The following CLYBL variants were observed in gnomAD, a reference collection of about 807,000 sequenced individuals.
CLYBL encodes the protein citramalyl-CoA lyase, mitochondrial.
CLYBL carries 31 observed loss-of-function variants against 38.9 expected under a neutral mutation model. That is an observed-to-expected ratio of 0.80 (90% CI 0.60 to 1.08). The LOEUF is 1.08. Ranked by LOEUF, CLYBL falls within the 50% of genes least tolerant of loss-of-function variation. CLYBL has a pLI of 0.00. For synonymous variants in CLYBL, 171 were observed against 158.6 expected (o/e 1.08, Z -0.59); for missense variants, 434 against 411.6 (o/e 1.05, Z -0.47).
intron 4 of CLYBL, among the ~76,000 whole-genome samples, chr13:99,864,270 C>T (rs1429886099): frequency 1.3e-5 from 2 of 152,116 alleles, no homozygotes; most frequent in Non-Finnish European, 2.9e-5. Context: ...ATGTCTACGA[C>T]GAATGGTATT....
chr13:99,820,064 G>A (rs1251279574), intron 2 of CLYBL, among the ~76,000 whole-genome samples: 2 of 152,222 alleles, frequency 1.3e-5, no homozygotes, highest in Non-Finnish European at 2.9e-5. Context: ...TCACCCAGGT[G>A]ATTTTCCCCA....
At chr13:99,738,639 G>A (rs1280160162) in intron 1 of CLYBL, among the ~76,000 whole-genome samples, 1 of 152,116 alleles carries the variant, frequency 6.6e-6, no homozygotes, top group East Asian at 1.9e-4. Flanking sequence ...GAGATTCAAG[G>A]GGACTTGCCA....
chr13:99,861,667 G>T (rs1281460802), intron 3 of CLYBL, among the ~76,000 whole-genome samples: 3 of 152,142 alleles, frequency 2.0e-5, no homozygotes, highest in Admixed American at 2.0e-4. Flanking sequence ...TTGAAGGGGG[G>T]GCAGTGGGAG....
chr13:99,837,934 G>A (rs1326100207), intron 2 of CLYBL, among the ~76,000 whole-genome samples: 2 of 152,160 alleles, frequency 1.3e-5, no homozygotes, highest in Non-Finnish European at 2.9e-5. Flanking sequence ...AAACATTTTT[G>A]TAAATTACAA....
intron 1 of CLYBL, among the ~76,000 whole-genome samples, chr13:99,662,074 A>G (rs1197003721): frequency 6.6e-6 from 1 of 152,178 alleles, no homozygotes; most frequent in Non-Finnish European, 1.5e-5. Flanking sequence ...AATGACCCCA[A>G]ATTGGAAGAA....
intron 1 of CLYBL, among the ~76,000 whole-genome samples, chr13:99,744,354 T>C (rs1404162642): frequency 6.6e-6 from 1 of 152,182 alleles, no homozygotes; most frequent in African/African-American, 2.4e-5. Flanking sequence ...GAATAGTTAC[T>C]CATCACACCT....
At chr13:99,899,852 A>C (rs2052621624), downstream of CLYBL, among the ~76,000 whole-genome samples, 1 of 152,186 alleles carries the variant, frequency 6.6e-6, no homozygotes, top group Admixed American at 6.5e-5. Context: ...AGAGTTTGGG[A>C]ATCCCACTGC....
intron 1 of CLYBL, among the ~76,000 whole-genome samples, chr13:99,623,334 A>C (rs1348134779): frequency 6.6e-6 from 1 of 152,130 alleles, no homozygotes; most frequent in African/African-American, 2.4e-5. Context: ...GTTTCTTCCA[A>C]ATCATTTTTA....
At chr13:99,693,142 G>T (rs1209240403) in intron 1 of CLYBL, among the ~76,000 whole-genome samples, 1 of 152,162 alleles carries the variant, frequency 6.6e-6, no homozygotes, top group Non-Finnish European at 1.5e-5. Context: ...GAACTGGGAT[G>T]TATAGCGTTT....
intron 1 of CLYBL, among the ~76,000 whole-genome samples, chr13:99,714,431 A>G (rs1346768366): frequency 2.0e-5 from 3 of 151,108 alleles, no homozygotes; most frequent in Admixed American, 1.3e-4. Flanking sequence ...AGCCTGGCCA[A>G]CATGGTGAAA....
intron 1 of CLYBL, among the ~76,000 whole-genome samples, chr13:99,723,229 A>G (rs79849260): frequency 0.031 from 4,745 of 152,270 alleles, 99 homozygotes; most frequent in African/African-American, 0.044. Context: ...GGGATTTCAT[A>G]TGGTGGGTTT....
At chr13:99,899,590 A>G (rs1439859567), downstream of CLYBL, among the ~76,000 whole-genome samples, 4 of 152,168 alleles carry the variant, frequency 2.6e-5, no homozygotes, top group Non-Finnish European at 5.9e-5. Context: ...AGTTCTGGAG[A>G]AGAGGAGGGC....
At chr13:99,759,312 TAAAC>T (rs2049122644) in intron 1 of CLYBL, among the ~76,000 whole-genome samples, 1 of 152,072 alleles carries the variant, frequency 6.6e-6, no homozygotes, top group African/African-American at 2.4e-5. Context: ...AAGCAGGGGA[TAAAC>T]AGAGGAGCAG....
At chr13:99,888,285 A>G (rs1174521038) in intron 7 of CLYBL, among the ~76,000 whole-genome samples, 1 of 113,766 alleles carries the variant, frequency 8.8e-6, no homozygotes, top group Non-Finnish European at 1.9e-5. Context: ...TGTTTTTGCC[A>G]CAACTAAAAA....
intron 2 of CLYBL, among the ~76,000 whole-genome samples, chr13:99,801,521 GA>G (rs150856159): frequency 6.6e-6 from 1 of 151,432 alleles, no homozygotes; most frequent in Non-Finnish European, 1.5e-5. Flanking sequence ...GAAAGTAATA[GA>G]AAAAAAAGAA....
intron 1 of CLYBL, among the ~76,000 whole-genome samples, chr13:99,696,564 C>T (rs749998240): frequency 6.6e-5 from 10 of 151,972 alleles, no homozygotes; most frequent in Non-Finnish European, 1.3e-4. Context: ...ATCTATGATT[C>T]AAGTCCTGAT....
intron 2 of CLYBL, among the ~76,000 whole-genome samples, chr13:99,783,447 G>T (rs2049704915): frequency 8.6e-6 from 1 of 115,804 alleles, no homozygotes; most frequent in Admixed American, 9.8e-5. Flanking sequence ...GATAAATTCA[G>T]TACTTTGGGG....
intron 2 of CLYBL, among the ~76,000 whole-genome samples, chr13:99,800,940 C>G (rs2050123389): frequency 6.6e-6 from 1 of 151,990 alleles, no homozygotes; most frequent in Non-Finnish European, 1.5e-5. Context: ...GTTTCTGCCC[C>G]CTTGCTTCAG....
At chr13:99,804,402 T>C (rs1264995781) in intron 2 of CLYBL, among the ~76,000 whole-genome samples, 1 of 152,218 alleles carries the variant, frequency 6.6e-6, no homozygotes, top group African/African-American at 2.4e-5. Flanking sequence ...TCCCTCCGTC[T>C]TTTTTCTGAC....
Sources: allele counts gnomAD v4.1 joint callset (sites outside exome capture counted in the v4.1 genomes callset), GRCh38; gene constraint gnomAD v4.1.1; transcripts MANE v1.5; gene names NCBI Gene and HGNC (gene_info 2026-07-23, HGNC 2026-07-21).